Variants in KTN1 observed in about 807,000 individuals in gnomAD.
KTN1 encodes the protein kinectin 1, also known as kinectin.
In KTN1, 130 loss-of-function variants were observed where a neutral mutation model predicts 222.5. The observed-to-expected ratio is 0.58, with a 90% CI of 0.51 to 0.68. The LOEUF (loss-of-function observed/expected upper bound fraction) is 0.68. Ranked by LOEUF, KTN1 falls within the 30% of genes least tolerant of loss-of-function variation. KTN1 has a pLI of 0.00. For missense variants in KTN1, 1,508 were observed against 1,500.4 expected, an observed-to-expected ratio of 1.01 and a Z score of -0.08; for synonymous variants, 512 against 496.3, an observed-to-expected ratio of 1.03 and a Z score of -0.42.
chr14:55,612,501 G>A lies in KTN1; in HGVS notation c.453G>A (p.Gln151=). 5.0e-6 allele frequency: 8 copies of A among 1,613,028 alleles called. No individual in the cohort carries two copies. Among genetic ancestry groups the A allele is most frequent in the Non-Finnish European group, 6.8e-6 (8 of 1,179,762 alleles). The change falls in exon 2 of 44, where the codon CAG becomes CAA. Residue 151 remains glutamine (Q), a synonymous_variant. Coordinates refer to ENST00000395314, the MANE Select transcript of KTN1 (RefSeq NM_001079521.2). Reference sequence around the variant, plus strand: ...TAGAACCTGTCCCAGTTACTAAACAGCCCACCCCTCCCTCTGAAGCAGCTG... The same window carrying A: ...TAGAACCTGTCCCAGTTACTAAACAACCCACCCCTCCCTCTGAAGCAGCTG... ...KKVEPVPVTK[Q]PTPPSEAAAS... is the part of the protein sequence containing the mutation.
Position 55,663,959 on chromosome 14 carries a change from T to G in KTN1, c.3095T>G (p.Leu1032Arg). Residue 1032 changes from leucine (L) to arginine (R), a missense_variant, in exon 33 of 44, where the codon CTT becomes CGT. Transcript: ENST00000395314. Reference protein sequence around the residue: ...VEHQRKKNNDLREKNWEAMEA... With the variant: ...VEHQRKKNNDRREKNWEAMEA... ...ATTCTTTCTAAAAATGATTAGGACC[T>G]TCGGGAGAAAAACTGGGAAGCAATG... The G allele has an allele frequency of 6.2e-7, 1 of 1,609,620 alleles. No homozygotes were observed. Among genetic ancestry groups the G allele is most frequent in the Non-Finnish European group, 8.5e-7 (1 of 1,176,526 alleles).
chr14:55,673,304 T>A, intron 40 of KTN1, 49 bp downstream of exon 40: 1 of 1,214,238 alleles, frequency 8.2e-7, no homozygotes, highest in South Asian at 1.3e-5. Context: ...TGAAAACACT[T>A]TATTGACATG....
chr14:55,590,385 TTTAAA>T (rs2033894472), intron 1 of KTN1, among the ~76,000 whole-genome samples: 1 of 152,214 alleles, frequency 6.6e-6, no homozygotes, highest in South Asian at 2.1e-4. Context: ...AATTTTTTCT[TTTAAA>T]ATAAAATACG....
chr14:55,600,722 T>G (rs941192667), intron 1 of KTN1, among the ~76,000 whole-genome samples: 6 of 151,758 alleles, frequency 4.0e-5, no homozygotes, highest in Admixed American at 6.6e-5. Context: ...ATGAATTTCA[T>G]GTTGTAGTGT....
chr14:55,652,062 T>C (rs1402314995), intron 25 of KTN1, 135 bp downstream of exon 25: 2 of 599,064 alleles, frequency 3.3e-6, no homozygotes, highest in East Asian at 6.0e-5. Context: ...TCAAAACTCC[T>C]AAGGGCCCTA....
At chr14:55,680,018 T>C in intron 43 of KTN1, 1 of 216,388 alleles carries the variant, frequency 4.6e-6, no homozygotes, top group Non-Finnish European at 9.0e-6. Flanking sequence ...AGTAAGTATC[T>C]GTGACCTTTT....
chr14:55,674,069 G>T (rs1440816748), intron 40 of KTN1: 1 of 151,606 alleles, frequency 6.6e-6, no homozygotes, highest in South Asian at 2.1e-4. Flanking sequence ...CTTACCCAAA[G>T]TTCACCCTGC....
Position 55,650,657 on chromosome 14 carries a change from A to G in KTN1, c.2565+20A>G, listed in dbSNP as rs758120930. On this transcript the variant is annotated intron_variant, in intron 24 of 43. Transcript: ENST00000395314. ...CAACAGGTAAAAATCCCAGAGCCAT[A>G]GCATGACAGATTTATTAGTTGTGTT... The G allele has an allele frequency of 3.2e-6, 5 of 1,548,572 alleles. No homozygotes were observed. In the Admixed American group the frequency reaches 7.1e-5, roughly 22 times the overall value.
At chr14:55,659,307 GTTTT>G (rs772118269) in intron 30 of KTN1, among the ~76,000 whole-genome samples, 2 of 120,648 alleles carry the variant, frequency 1.7e-5, no homozygotes, top group African/African-American at 3.0e-5. Flanking sequence ...TTTGATTTCT[GTTTT>G]TTTTTTTTTT....
chr14:55,602,585 CT>C (rs565184612), intron 1 of KTN1, among the ~76,000 whole-genome samples: 482 of 144,110 alleles, frequency 3.3e-3, no homozygotes, highest in Admixed American at 3.6e-3. Flanking sequence ...TCAACACTGT[CT>C]TTTTTTTTTT....
intron 24 of KTN1, 100 bp downstream of exon 24, chr14:55,650,737 G>A (rs556255896): frequency 2.5e-6 from 2 of 801,394 alleles, no homozygotes; most frequent in East Asian, 4.9e-5. Context: ...TTAGTATGCT[G>A]TAGGTATATT....
intron 2 of KTN1, among the ~76,000 whole-genome samples, chr14:55,615,663 T>G (rs1308991624): frequency 1.3e-5 from 2 of 152,102 alleles, no homozygotes; most frequent in South Asian, 2.1e-4. Context: ...ATGAAAGAGA[T>G]AAAAATCAGG....
At chr14:55,608,921 T>G (rs1049338963) in intron 1 of KTN1, among the ~76,000 whole-genome samples, 27 of 152,042 alleles carry the variant, frequency 1.8e-4, no homozygotes, top group African/African-American at 6.3e-4. Context: ...TGAGCCACCA[T>G]GCCCAGCCTG....
rs571976451 is a variant in KTN1 at position 55,684,143 on chromosome 14, T to C, written c.*40T>C. On this transcript the variant is annotated 3_prime_UTR_variant, in exon 44 of 44. Coordinates refer to ENST00000395314, the MANE Select transcript of KTN1 (RefSeq NM_001079521.2). ...TGTTCATTTGAGGATAAAAAAGGCA[T>C]TGTATTATATTTTGCCAAATTAAAG... is the stretch of plus-strand genomic sequence containing the variant. The C allele has an allele frequency of 2.3e-5, 36 of 1,550,774 alleles. No homozygotes were observed. In the East Asian group the frequency reaches 2.5e-4, roughly 11 times the overall value.
chr14:55,663,576 C>A, intron 32 of KTN1: 1 of 176,110 alleles, frequency 5.7e-6, no homozygotes, highest in Non-Finnish European at 1.2e-5. Context: ...TTAAACATCA[C>A]ATGAAAAGCT....
chr14:55,651,344 A>AG (rs1463366976), intron 24 of KTN1: 1 of 455,882 alleles, frequency 2.2e-6, no homozygotes, highest in African/African-American at 2.0e-5. Flanking sequence ...AAGAATCTGA[A>AG]GGGCCTGTGA....
intron 1 of KTN1, among the ~76,000 whole-genome samples, chr14:55,587,708 A>C (rs528337414): frequency 6.6e-6 from 1 of 152,070 alleles, no homozygotes; most frequent in African/African-American, 2.4e-5. Flanking sequence ...GAATGTCATG[A>C]TTTCTGTAAA....
intron 17 of KTN1, among the ~76,000 whole-genome samples, 185 bp downstream of exon 17, chr14:55,641,393 T>C (rs2041790611): frequency 6.6e-6 from 1 of 152,112 alleles, no homozygotes; most frequent in Non-Finnish European, 1.5e-5. Context: ...ATCTGTTCTT[T>C]TAGTGGAGCT....
At chr14:55,603,529 C>T (rs2036282619) in intron 1 of KTN1, among the ~76,000 whole-genome samples, 1 of 152,168 alleles carries the variant, frequency 6.6e-6, no homozygotes, top group Non-Finnish European at 1.5e-5. Context: ...CAGCAAACTC[C>T]TAGTTTTCTT....
Sources: gnomAD v4.1 joint callset for allele counts (sites outside exome capture counted in the v4.1 genomes callset) on GRCh38, gnomAD v4.1.1 for gene constraint, MANE v1.5 for transcripts, NCBI Gene and HGNC (gene_info 2026-07-23, HGNC 2026-07-21) for gene names.